CATSPERG: variants seen among roughly 807,000 people sequenced by gnomAD.
The protein encoded by CATSPERG is catsper channel auxiliary subunit gamma.
A neutral mutation model predicts 145.0 loss-of-function variants in CATSPERG; 115 were observed. The ratio of observed to expected loss-of-function variants is 0.79; its 90% confidence interval spans 0.68 to 0.93. CATSPERG has a LOEUF of 0.93. Ranked by LOEUF, CATSPERG falls within the 40% of genes least tolerant of loss-of-function variation. The pLI, the probability that CATSPERG is intolerant of heterozygous loss-of-function variation, is 0.00. For missense variants in CATSPERG, 1,296 were observed against 1,490.1 expected (o/e 0.87, Z 2.14); for synonymous variants, 588 against 589.0 (o/e 1.00, Z 0.02).
intron 26 of CATSPERG, 200 bp from the exon 27 acceptor site, chr19:38,369,772 G>A: frequency 1.6e-6 from 1 of 615,058 alleles, no homozygotes; most frequent in South Asian, 1.8e-5. Flanking sequence ...AAGGCAGGAG[G>A]AAATGAATGA....
At position 38,370,577 on chromosome 19, in the gene CATSPERG, C is replaced by T. The variant is rs374950558; in HGVS notation, c.3265C>T (p.Leu1089Phe). ...GGTGATCTTCTACATCGCCTTCTGCCTCCTGTGGCCCCTCGTGGTGAAGGG... is the reference window on the plus strand; with the variant it reads ...GGTGATCTTCTACATCGCCTTCTGCTTCCTGTGGCCCCTCGTGGTGAAGGG... ...GLVIFYIAFC[L>F]LWPLVVKGCT... The change falls in exon 29 of 29, where the codon CTC becomes TTC. Residue 1089 changes from leucine (L) to phenylalanine (F), a missense_variant. Leu to Phe is a conservative substitution (Grantham distance 22). Transcript: ENST00000409235. 8.1e-6 allele frequency: 13 copies of T among 1,614,084 alleles called. No individual in the cohort carries two copies. Among genetic ancestry groups the T allele is most frequent in the Non-Finnish European group, 9.3e-6 (11 of 1,180,054 alleles).
intron 2 of CATSPERG, 41 bp downstream of exon 2, chr19:38,337,545 C>A: frequency 6.4e-7 from 1 of 1,551,908 alleles, no homozygotes; most frequent in Non-Finnish European, 8.7e-7. Context: ...GGATTTTGAA[C>A]CCGCACTCCA....
At chr19:38,339,843 C>T (rs540082712) in intron 3 of CATSPERG, among the ~76,000 whole-genome samples, 3 of 151,150 alleles carry the variant, frequency 2.0e-5, no homozygotes, top group South Asian at 2.1e-4. Flanking sequence ...GTCCCAATGC[C>T]GTTTGGTGAG....
At chr19:38,342,601 A>G (rs1258021143) in intron 3 of CATSPERG, among the ~76,000 whole-genome samples, 1 of 127,276 alleles carries the variant, frequency 7.9e-6, no homozygotes, top group African/African-American at 3.1e-5. Flanking sequence ...CTCCTTCTTG[A>G]AAAAAAAAAA....
intron 7 of CATSPERG, among the ~76,000 whole-genome samples, chr19:38,350,371 T>G (rs567130458): frequency 2.8e-4 from 43 of 152,078 alleles, no homozygotes; most frequent in Non-Finnish European, 5.1e-4. Context: ...ATTCCTCTGT[T>G]TTTTGTTTGT....
In CATSPERG at chr19:38,370,702, A is replaced by G; in HGVS notation, c.3390A>G (p.Arg1130=). 6.2e-7 allele frequency: 1 copy of G among 1,614,046 alleles called. No individual in the cohort carries two copies. The highest frequency in any genetic ancestry group is 8.5e-7 in the Non-Finnish European group (1 of 1,179,998). ...ISGISSMPSL[R]HSRMGSMFSS... is the part of the protein sequence containing the mutation. ...GAATCTCGAGCATGCCGTCTCTGAGACATTCCAGGATGGGCTCCATGTTCA... is the reference window on the plus strand; with the variant it reads ...GAATCTCGAGCATGCCGTCTCTGAGGCATTCCAGGATGGGCTCCATGTTCA... The change falls in exon 29 of 29, where the codon AGA becomes AGG. Residue 1130 remains arginine, a synonymous_variant. Transcript: ENST00000409235.
chr19:38,347,551 A>G (rs567590467), intron 7 of CATSPERG, among the ~76,000 whole-genome samples: 5 of 152,308 alleles, frequency 3.3e-5, no homozygotes, highest in South Asian at 2.1e-4. Flanking sequence ...GTCTGAAGTA[A>G]GGATCTTTTG....
intron 7 of CATSPERG, among the ~76,000 whole-genome samples, 170 bp from the exon 8 acceptor site, chr19:38,352,091 G>A (rs1970152120): frequency 6.6e-6 from 1 of 152,202 alleles, no homozygotes; most frequent in Non-Finnish European, 1.5e-5. Flanking sequence ...GTCCATATGG[G>A]GGAGGTTTGG....
At chr19:38,346,168 G>T (rs773208378) in intron 6 of CATSPERG, among the ~76,000 whole-genome samples, 3 of 152,194 alleles carry the variant, frequency 2.0e-5, no homozygotes, top group Non-Finnish European at 2.9e-5. Context: ...GAATTGCATG[G>T]ATACTAAGGG....
At chr19:38,370,379 C>T (rs778047857) in intron 28 of CATSPERG, 121 bp downstream of exon 28, 94 of 1,387,756 alleles carry the variant, frequency 6.8e-5, no homozygotes, top group South Asian at 1.6e-4. Context: ...GCTGACTGAA[C>T]GCCTGCCATG....
chr19:38,364,799 C>A, intron 20 of CATSPERG, 92 bp from the exon 21 acceptor site: 1 of 999,224 alleles, frequency 1.0e-6, no homozygotes, highest in Non-Finnish European at 1.6e-6. Flanking sequence ...GCCACCACCT[C>A]GCCCCAGCTA....
intron 7 of CATSPERG, among the ~76,000 whole-genome samples, chr19:38,351,860 T>G (rs1008843588): frequency 2.0e-5 from 3 of 152,064 alleles, no homozygotes; most frequent in Non-Finnish European, 2.9e-5. Flanking sequence ...TGCAGTGAGC[T>G]ATGATCATAC....
rs1052125906 is a variant in CATSPERG, at chr19:38,337,113, G to T, written c.-14-108G>T. 3.7e-6 allele frequency: 5 copies of T among 1,335,766 alleles called. No individual in the cohort carries two copies. The East Asian group carries it at 1.3e-4, about 34-fold the overall frequency. The allele number at this position is 1,335,766 out of a possible 1,614,324, so 82.7% of individuals were successfully genotyped here. Reference sequence around the variant, plus strand: ...GGCGGGGCCAGGAGCAAGAGCCGGGGCGTGGCCAGGAGCAAGTGCTGTGAG... The same window carrying T: ...GGCGGGGCCAGGAGCAAGAGCCGGGTCGTGGCCAGGAGCAAGTGCTGTGAG... On this transcript the variant is annotated intron_variant, in intron 1 of 28. Transcript: ENST00000409235.
rs1462452256 is a variant in CATSPERG at position 38,354,717 on chromosome 19, G to A, written c.1005G>A (p.Trp335Ter). ...CCATACTGACTTCACTAGGCAGTTGGATTCGTGTCCTGGCCAGCGAGTGCA... is the reference window on the plus strand; with the variant it reads ...CCATACTGACTTCACTAGGCAGTTGAATTCGTGTCCTGGCCAGCGAGTGCA... ...LYERNRGSGS[W>*]IRVLASECIK... The change falls in exon 9 of 29, where the codon TGG (tryptophan) becomes TGA (stop). Residue 335 changes from tryptophan to a stop codon, truncating the protein, a stop_gained. Coordinates refer to ENST00000409235, the MANE Select transcript of CATSPERG (RefSeq NM_021185.5). LOFTEE classifies it high-confidence loss of function. 1 of 1,614,044 alleles carries A rather than the reference G, an allele frequency of 6.2e-7. No individual in the cohort carries two copies. Among genetic ancestry groups the A allele is most frequent in the Admixed American group, 1.7e-5 (1 of 60,016 alleles).
chr19:38,367,052 G>C (rs1476405787), intron 22 of CATSPERG, 104 bp from the exon 23 acceptor site: 1 of 1,050,892 alleles, frequency 9.5e-7, no homozygotes, highest in East Asian at 2.6e-5. Context: ...CAGGCAGCTG[G>C]TGGTGGTGTT....
intron 14 of CATSPERG, chr19:38,360,066 C>T (rs1970317439): frequency 4.1e-6 from 4 of 985,100 alleles, no homozygotes; most frequent in Non-Finnish European, 4.8e-6. Flanking sequence ...TGAAGGTTCC[C>T]TTCAGATGTG....
intron 3 of CATSPERG, among the ~76,000 whole-genome samples, chr19:38,338,373 C>T (rs12461700): frequency 0.031 from 4,706 of 152,120 alleles, 157 homozygotes; most frequent in East Asian, 0.13. Context: ...TGGTCTCGAT[C>T]TCCTGACCTC....
At chr19:38,352,700 TAGAG>T (rs1011331106) in intron 8 of CATSPERG, among the ~76,000 whole-genome samples, 16 of 125,046 alleles carry the variant, frequency 1.3e-4, no homozygotes, top group African/African-American at 4.4e-4. Flanking sequence ...TAAAGGGAGG[TAGAG>T]AGAGGCAGAC....
chr19:38,344,417 G>A (rs1568372623), intron 6 of CATSPERG, 49 bp downstream of exon 6: 1 of 1,491,952 alleles, frequency 6.7e-7, no homozygotes, highest in Non-Finnish European at 9.1e-7. Context: ...GCCTTAGGCT[G>A]ACGCCCTGGT....
Sources: gnomAD v4.1 joint callset for allele counts (sites outside exome capture counted in the v4.1 genomes callset) on GRCh38, gnomAD v4.1.1 for gene constraint, MANE v1.5 for transcripts, NCBI Gene and HGNC (gene_info 2026-07-23, HGNC 2026-07-21) for gene names.